The following LAMA3 variants were observed in gnomAD, a reference collection of about 807,000 sequenced individuals.
LAMA3 encodes the protein laminin subunit alpha 3, also known as laminin subunit alpha-3.
A neutral mutation model predicts 402.0 loss-of-function variants in LAMA3; 281 were observed. The ratio of observed to expected loss-of-function variants is 0.70; its 90% CI spans 0.63 to 0.77. The LOEUF (loss-of-function observed/expected upper bound fraction) is 0.77, where lower values mean the gene tolerates loss of function less well. Among genes scored for constraint, LAMA3 ranks in the 30% least tolerant of loss-of-function variants. The pLI, the probability that LAMA3 is intolerant of heterozygous loss-of-function variation, is 0.00. For synonymous variants in LAMA3, 1,431 were observed against 1,558.4 expected (o/e 0.92, Z 1.93); for missense variants, 3,840 against 4,215.5 (o/e 0.91, Z 2.47).
chr18:23,747,820 C>T (rs905996106), intron 2 of LAMA3, 123 bp from the exon 3 acceptor site: 7 of 724,822 alleles, frequency 9.7e-6, no homozygotes, highest in South Asian at 7.3e-5. Flanking sequence ...GAATCAGGAT[C>T]GGGATCTTGA....
chr18:23,894,735 A>C (rs180934247), intron 43 of LAMA3, among the ~76,000 whole-genome samples, 172 bp from the exon 44 acceptor site: 1 of 152,370 alleles, frequency 6.6e-6, no homozygotes, highest in African/African-American at 2.4e-5. Context: ...CTCCCTGTGC[A>C]CAGGGCTCTC....
intron 49 of LAMA3, 75 bp from the exon 50 acceptor site, chr18:23,903,858 T>C (rs536362024): frequency 6.7e-6 from 8 of 1,190,896 alleles, no homozygotes; most frequent in Middle Eastern, 2.7e-4. Context: ...ACATCAGTTA[T>C]GATAGAGTTT....
chr18:23,924,543 CTTT>C (rs66546657), intron 62 of LAMA3, among the ~76,000 whole-genome samples: 15 of 89,098 alleles, frequency 1.7e-4, no homozygotes, highest in Non-Finnish European at 3.1e-4. Flanking sequence ...CTTTTTTTTT[CTTT>C]TTTTTTTTTT....
At chr18:23,723,232 T>C (rs923247544) in intron 2 of LAMA3, among the ~76,000 whole-genome samples, 1 of 152,164 alleles carries the variant, frequency 6.6e-6, no homozygotes, top group African/African-American at 2.4e-5. Context: ...AAACTACTAC[T>C]CTGAATTTAT....
Position 23,775,748 on chromosome 18 carries a change from G to A in LAMA3, c.1274-44G>A, listed in dbSNP as rs775964506. The A allele has an allele frequency of 6.2e-6, 10 of 1,612,116 alleles. No individual in the cohort carries two copies. In the South Asian group the frequency reaches 9.9e-5, roughly 16 times the overall value. ...TGTTGGAACATATTTGCTTTGTTAA[G>A]TGCAGTGAAGGACGGATCCTTTGAA... On this transcript the variant is annotated intron_variant, in intron 9 of 74. Coordinates refer to ENST00000313654, the MANE Select transcript of LAMA3 (RefSeq NM_198129.4).
intron 12 of LAMA3, among the ~76,000 whole-genome samples, chr18:23,791,595 A>G (rs1361159633): frequency 6.6e-6 from 1 of 152,040 alleles, no homozygotes; most frequent in African/African-American, 2.4e-5. Flanking sequence ...TTAGCCAGGC[A>G]TCGTGGTGCA....
At chr18:23,826,087 G>T (rs1171145427) in intron 21 of LAMA3, among the ~76,000 whole-genome samples, 2 of 152,162 alleles carry the variant, frequency 1.3e-5, no homozygotes, top group Admixed American at 1.3e-4. Flanking sequence ...CTGCTGTCAG[G>T]ACGGCTAGGG....
At position 23,876,345 on chromosome 18, in the gene LAMA3, T is replaced by A; in HGVS notation, c.5050T>A (p.Cys1684Ser). The change falls in exon 39 of 75, where the codon TGT (cysteine) becomes AGT (serine). Residue 1684 changes from cysteine (C) to serine (S), a missense_variant. Transcript: ENST00000313654. ...TCATAAAGGCTTGTATACCGGACGG[T>A]GTGTTCCCTGCAATTGCAACGGACA... ...RDHKGLYTGR[C>S]VPCNCNGHSN... 6.2e-7 allele frequency: 1 copy of A among 1,614,174 alleles called. No homozygotes were observed. The highest frequency in any genetic ancestry group is 1.1e-5 in the South Asian group (1 of 91,082).
At chr18:23,788,640 C>T (rs530495191) in intron 12 of LAMA3, among the ~76,000 whole-genome samples, 6 of 151,916 alleles carry the variant, frequency 3.9e-5, no homozygotes, top group South Asian at 2.1e-4. Context: ...AGAAACTAAA[C>T]GTAAGAGCTA....
intron 18 of LAMA3, among the ~76,000 whole-genome samples, chr18:23,818,835 G>A (rs12604868): frequency 1.3e-5 from 2 of 151,578 alleles, no homozygotes; most frequent in African/African-American, 4.8e-5. Flanking sequence ...ATTATCATTA[G>A]CCTTCACATT....
chr18:23,938,634 G>T (rs1034617327), intron 67 of LAMA3, among the ~76,000 whole-genome samples: 2 of 151,490 alleles, frequency 1.3e-5, no homozygotes, highest in Non-Finnish European at 2.9e-5. Flanking sequence ...GCAGTTCCAT[G>T]TTTCACTGGC....
At chr18:23,931,295 C>G in intron 65 of LAMA3, 94 bp downstream of exon 65, 3 of 1,027,848 alleles carry the variant, frequency 2.9e-6, no homozygotes, top group Non-Finnish European at 4.6e-6. Context: ...AAATATTTGT[C>G]CTTGATACCA....
chr18:23,837,570 G>GATAAATATATATATATATATATAT (rs368371253), intron 25 of LAMA3, among the ~76,000 whole-genome samples: 1 of 83,284 alleles, frequency 1.2e-5, no homozygotes, highest in Non-Finnish European at 2.3e-5. Flanking sequence ...CAGTTAATCA[G>GATAAATATATATATATATATATAT]ATATATATAT....
intron 24 of LAMA3, 114 bp from the exon 25 acceptor site, chr18:23,836,867 A>T (rs45496697): frequency 4.0e-4 from 296 of 743,748 alleles, no homozygotes; most frequent in Middle Eastern, 7.1e-4. Flanking sequence ...ATTCACTATA[A>T]TTCATTCAGT....
In LAMA3 at chr18:23,916,534, A is replaced by G. The variant is rs775759900; in HGVS notation, c.7779-17A>G. On this transcript the variant is annotated splice_polypyrimidine_tract_variant and intron_variant, in intron 59 of 74. Transcript: ENST00000313654. ...ATTTGCTGCTGTGTTCTAATTTATG[A>G]TGATTAATGTTGACAGGAGGAAGGA... is the stretch of plus-strand genomic sequence containing the variant. 1.8e-5 allele frequency: 29 copies of G among 1,613,604 alleles called. No homozygotes were observed. Among genetic ancestry groups the G allele is most frequent in the Non-Finnish European group, 2.4e-5 (28 of 1,179,592 alleles).
intron 8 of LAMA3, among the ~76,000 whole-genome samples, chr18:23,770,773 A>G (rs1001025451): frequency 2.0e-5 from 3 of 152,160 alleles, no homozygotes; most frequent in Non-Finnish European, 4.4e-5. Flanking sequence ...AAACAAAACA[A>G]AACAAAACAA....
chr18:23,930,790 T>C (rs1322714667), intron 64 of LAMA3, among the ~76,000 whole-genome samples: 1 of 152,150 alleles, frequency 6.6e-6, no homozygotes, highest in Non-Finnish European at 1.5e-5. Context: ...GTATAGTCGA[T>C]TGAGAAATTA....
At chr18:23,896,719 C>G (rs2080887187) in intron 44 of LAMA3, among the ~76,000 whole-genome samples, 1 of 152,140 alleles carries the variant, frequency 6.6e-6, no homozygotes, top group Admixed American at 6.5e-5. Context: ...GCAAAGCTTA[C>G]AGGGGCAGGA....
intron 32 of LAMA3, among the ~76,000 whole-genome samples, chr18:23,850,130 A>C (rs969445239): frequency 1.3e-5 from 2 of 152,242 alleles, no homozygotes; most frequent in African/African-American, 4.8e-5. Context: ...AGATACCTAG[A>C]GTTTATGAGA....
Sources: allele counts gnomAD v4.1 joint callset (sites outside exome capture counted in the v4.1 genomes callset), GRCh38; gene constraint gnomAD v4.1.1; transcripts MANE v1.5; gene names NCBI Gene and HGNC (gene_info 2026-07-23, HGNC 2026-07-21).